Variants in NEMP2 observed in about 807,000 individuals in gnomAD.
The protein encoded by NEMP2 is UPF0571 transmembrane protein.
NEMP2 carries 53 observed loss-of-function variants against 54.2 expected under a neutral mutation model. That is an observed-to-expected ratio of 0.98 (90% CI 0.78 to 1.23). The LOEUF (loss-of-function observed/expected upper bound fraction) is 1.23. NEMP2 is among the 50% of genes most tolerant of loss of function. NEMP2 has a pLI of 0.00. For missense variants in NEMP2, 455 were observed against 511.3 expected (o/e 0.89, Z 1.06); for synonymous variants, 197 against 190.3 (o/e 1.04, Z -0.29).
chr2:190,451,300 T>G, the NEMP2 span, among the ~76,000 whole-genome samples: 27 of 152,210 alleles, frequency 1.8e-4, no homozygotes, highest in Non-Finnish European at 3.5e-4. This position sits in a 1 kb window ranked among gnomAD's most constrained non-coding sequence, Gnocchi z 5.0. Flanking sequence ...CCTAACTTCA[T>G]AGCATTGTCC....
At chr2:190,629,403 A>G in the NEMP2 span, among the ~76,000 whole-genome samples, 1 of 152,246 alleles carries the variant, frequency 6.6e-6, no homozygotes, top group Non-Finnish European at 1.5e-5. Context: ...GCACTAAGAT[A>G]TCAGTTTGTA....
the NEMP2 span, among the ~76,000 whole-genome samples, chr2:190,572,842 T>G: frequency 3.5e-5 from 3 of 84,832 alleles, no homozygotes; most frequent in Non-Finnish European, 5.0e-5. Context: ...AGTATATATA[T>G]ATATATATAT....
the NEMP2 span, among the ~76,000 whole-genome samples, chr2:190,461,897 A>G: frequency 1.3e-5 from 2 of 152,140 alleles, no homozygotes; most frequent in African/African-American, 4.8e-5. This position sits in a 1 kb window ranked among gnomAD's most constrained non-coding sequence, Gnocchi z 5.5. Context: ...GAACAATCTG[A>G]GAGCAGAAGT....
chr2:190,518,374 G>C (rs1286713111), intron 4 of NEMP2, among the ~76,000 whole-genome samples: 1 of 152,116 alleles, frequency 6.6e-6, no homozygotes, highest in Non-Finnish European at 1.5e-5. Flanking sequence ...AAGGTGTGTG[G>C]ACCAGAAAAC....
At chr2:190,603,487 A>G in the NEMP2 span, among the ~76,000 whole-genome samples, 4 of 149,826 alleles carry the variant, frequency 2.7e-5, no homozygotes, top group African/African-American at 9.9e-5. Context: ...ATCTTCTCCT[A>G]TCCCCACAGC....
chr2:190,462,459 T>C, the NEMP2 span, among the ~76,000 whole-genome samples: 1 of 152,220 alleles, frequency 6.6e-6, no homozygotes, highest in African/African-American at 2.4e-5. The surrounding 1 kb of genome is among the most constrained non-coding windows in gnomAD (Gnocchi z 5.7). Flanking sequence ...TTTGCCCTCA[T>C]ATTTTATCAG....
At chr2:190,429,847 T>G in the NEMP2 span, among the ~76,000 whole-genome samples, 1 of 151,722 alleles carries the variant, frequency 6.6e-6, no homozygotes, top group African/African-American at 2.4e-5. Flanking sequence ...GCTCTTGTTC[T>G]TTTTTTTTCT....
At chr2:190,480,963 A>C in the NEMP2 span, among the ~76,000 whole-genome samples, 1 of 152,274 alleles carries the variant, frequency 6.6e-6, no homozygotes, top group Non-Finnish European at 1.5e-5. Context: ...TATGCATTAA[A>C]GCCTGGCTAT....
At chr2:190,540,489 T>A in the NEMP2 span, among the ~76,000 whole-genome samples, 1 of 152,164 alleles carries the variant, frequency 6.6e-6, no homozygotes, top group African/African-American at 2.4e-5. Context: ...AGGGTCTCAC[T>A]ATGTTACACA....
the NEMP2 span, among the ~76,000 whole-genome samples, chr2:190,632,086 GAA>G: frequency 6.6e-6 from 1 of 152,158 alleles, no homozygotes; most frequent in South Asian, 2.1e-4. This position sits in a 1 kb window ranked among gnomAD's most constrained non-coding sequence, Gnocchi z 4.8. Flanking sequence ...GAAAAGAAAA[GAA>G]AAAGACACTA....
rs917171912 is a variant in NEMP2 at position 190,507,243 on chromosome 2, T to C, written c.*1946A>G. On this transcript the variant is annotated 3_prime_UTR_variant, in exon 9 of 9. Coordinates refer to ENST00000409150, the MANE Select transcript of NEMP2 (RefSeq NM_001142645.2). The surrounding 1 kb of genome is among the most constrained non-coding windows in gnomAD (Gnocchi z 4.4). ...AAAACAATATCCTCAAGGACTGCTGTTGTTCTTCTCTCTTTGGCTGTTTTT... is the reference window on the plus strand; with the variant it reads ...AAAACAATATCCTCAAGGACTGCTGCTGTTCTTCTCTCTTTGGCTGTTTTT... 3.9e-5 allele frequency: 6 copies of C among 152,224 alleles called. No homozygotes were observed. Among genetic ancestry groups the C allele is most frequent in the African/African-American group, 7.2e-5 (3 of 41,462 alleles). The allele number at this position is 152,224 out of a possible 1,614,324, so 9.4% of individuals were successfully genotyped here.
the NEMP2 span, among the ~76,000 whole-genome samples, chr2:190,555,931 T>G: frequency 6.6e-6 from 1 of 152,178 alleles, no homozygotes; most frequent in Admixed American, 6.5e-5. This position sits in a 1 kb window ranked among gnomAD's most constrained non-coding sequence, Gnocchi z 4.8. Context: ...CTTCTGAAAC[T>G]ATTCCAAACA....
chr2:190,480,060 G>T, the NEMP2 span, among the ~76,000 whole-genome samples: 2 of 152,184 alleles, frequency 1.3e-5, no homozygotes, highest in African/African-American at 4.8e-5. Context: ...CTACTGGGGA[G>T]GCTCAGGTGG....
upstream of NEMP2, among the ~76,000 whole-genome samples, chr2:190,535,475 A>T (rs1437017486): frequency 6.6e-6 from 1 of 152,224 alleles, no homozygotes; most frequent in African/African-American, 2.4e-5. Flanking sequence ...AGATATACAT[A>T]TATTTTAAAG....
the NEMP2 span, among the ~76,000 whole-genome samples, chr2:190,423,110 T>C: frequency 6.6e-6 from 1 of 152,246 alleles, no homozygotes; most frequent in African/African-American, 2.4e-5. This position sits in a 1 kb window ranked among gnomAD's most constrained non-coding sequence, Gnocchi z 4.3. Flanking sequence ...TTGTTAGAAA[T>C]AATAGAGCAA....
chr2:190,461,577 G>C, the NEMP2 span, among the ~76,000 whole-genome samples: 1 of 152,184 alleles, frequency 6.6e-6, no homozygotes, highest in Non-Finnish European at 1.5e-5. This position sits in a 1 kb window ranked among gnomAD's most constrained non-coding sequence, Gnocchi z 5.5. Context: ...AGTGTTGGCA[G>C]GTTCGGTGAC....
chr2:190,551,043 T>A, the NEMP2 span, among the ~76,000 whole-genome samples: 1 of 151,858 alleles, frequency 6.6e-6, no homozygotes, highest in South Asian at 2.1e-4. Context: ...CTTCTTACCC[T>A]TACAAATCAC....
the NEMP2 span, among the ~76,000 whole-genome samples, chr2:190,644,164 A>G: frequency 6.6e-6 from 1 of 152,060 alleles, no homozygotes; most frequent in Non-Finnish European, 1.5e-5. This position sits in a 1 kb window ranked among gnomAD's most constrained non-coding sequence, Gnocchi z 4.4. Flanking sequence ...CTGTTTCCTC[A>G]TTGTAAAAAA....
the NEMP2 span, among the ~76,000 whole-genome samples, chr2:190,475,079 C>T: frequency 1.3e-5 from 2 of 152,082 alleles, no homozygotes; most frequent in South Asian, 4.1e-4. Flanking sequence ...ATAATAAGAG[C>T]TATCTATGAC....
Sources: allele counts gnomAD v4.1 joint callset (sites outside exome capture counted in the v4.1 genomes callset), GRCh38; gene constraint gnomAD v4.1.1; non-coding constraint Gnocchi (gnomAD v3.1); transcripts MANE v1.5; gene names NCBI Gene and HGNC (gene_info 2026-07-23, HGNC 2026-07-21).